BRD9: variants seen among roughly 807,000 people sequenced by gnomAD.
BRD9 encodes bromodomain containing 9, also known as bromodomain-containing protein 9.
Under a neutral mutation model 68.7 loss-of-function variants are expected in BRD9, and 47 were observed. That is an observed-to-expected ratio of 0.68 (90% CI 0.54 to 0.87). The LOEUF is 0.87. Among genes scored for constraint, BRD9 ranks in the 40% least tolerant of loss-of-function variants. The pLI, the probability that BRD9 is intolerant of heterozygous loss-of-function variation, is 0.00. For missense variants in BRD9, 670 were observed against 748.4 expected (o/e 0.90, Z 1.22); for synonymous variants, 313 against 293.9 (o/e 1.06, Z -0.67).
rs1181861029 is a variant in BRD9, at chr5:889,659, AG to A, written c.401-13del. The A allele has an allele frequency of 6.2e-7, 1 of 1,612,496 alleles. No homozygotes were observed. Among genetic ancestry groups the A allele is most frequent in the East Asian group, 2.2e-5 (1 of 44,830 alleles). ...GCTCTCATTTTCGGCTGACAATTTA[AG>A]GAAAAAAAAATTGAATACAAGACTT... is the stretch of plus-strand genomic sequence containing the variant. On this transcript the variant is annotated splice_polypyrimidine_tract_variant and intron_variant, in intron 3 of 15. Coordinates refer to ENST00000467963, the MANE Select transcript of BRD9 (RefSeq NM_023924.5).
In BRD9 at chr5:878,390, G is replaced by A. The variant is rs541919388; in HGVS notation, c.1236C>T (p.Ala412=). 6.2e-7 allele frequency: 1 copy of A among 1,614,228 alleles called. No homozygotes were observed. Among genetic ancestry groups the A allele is most frequent in the South Asian group, 1.1e-5 (1 of 91,090 alleles). Residue 412 remains alanine, a synonymous_variant, in exon 11 of 16, where the codon GCC becomes GCT. Coordinates refer to ENST00000467963, the MANE Select transcript of BRD9 (RefSeq NM_023924.5). ...KSDEMELLYS[A]YGDETGVQCA... ...ACTGCACGCCTGTCTCATCTCCGTAGGCTGAGTAGAGCAGCTCCATCTCGT... is the reference window on the plus strand; with the variant it reads ...ACTGCACGCCTGTCTCATCTCCGTAAGCTGAGTAGAGCAGCTCCATCTCGT...
chr5:892,312 T>C, intron 1 of BRD9: 2 of 577,386 alleles, frequency 3.5e-6, no homozygotes, highest in Non-Finnish European at 5.6e-6. Context: ...AGCTTCTCCC[T>C]GAGCTCCACA....
chr5:886,377 G>C (rs146781848), intron 7 of BRD9, among the ~76,000 whole-genome samples: 1 of 152,328 alleles, frequency 6.6e-6, no homozygotes, highest in African/African-American at 2.4e-5. Context: ...GATCGGACGG[G>C]CTTGGGTACC....
chr5:873,652 G>A (rs2150570655), intron 12 of BRD9, among the ~76,000 whole-genome samples: 1 of 152,266 alleles, frequency 6.6e-6, no homozygotes, highest in South Asian at 2.1e-4. Context: ...GAGCCTCCTG[G>A]CCCACCTTGC....
chr5:872,593 G>A (rs542984087), intron 12 of BRD9, among the ~76,000 whole-genome samples: 2 of 152,304 alleles, frequency 1.3e-5, no homozygotes, highest in Admixed American at 6.5e-5. Flanking sequence ...TCAGAACCAC[G>A]AGCTGGTGGG....
intron 12 of BRD9, among the ~76,000 whole-genome samples, chr5:875,514 A>AT (rs1238042518): frequency 6.6e-6 from 1 of 151,798 alleles, no homozygotes; most frequent in Non-Finnish European, 1.5e-5. Context: ...CGCCCAGCTA[A>AT]TTTTTTCTAT....
chr5:892,590 A>G lies in BRD9; in HGVS notation c.52+16T>C, dbSNP rs966937644. The G allele has an allele frequency of 1.3e-6, 2 of 1,534,752 alleles. No homozygotes were observed. The highest frequency in any genetic ancestry group is 4.0e-5 in the Admixed American group (2 of 50,182). The stretch of plus-strand genomic sequence containing the variant: ...GGACCCCGCCCGCCGCGCGTCACAA[A>G]GCGCCGCCGCCTCACCCTCGTAGGA... On this transcript the variant is annotated intron_variant, in intron 1 of 15. Coordinates refer to ENST00000467963, the MANE Select transcript of BRD9 (RefSeq NM_023924.5).
intron 12 of BRD9, among the ~76,000 whole-genome samples, chr5:872,045 G>GGCCTGGCAGTGCCTGTGGCAGGTGT (rs1164222803): frequency 6.6e-6 from 1 of 152,112 alleles, no homozygotes; most frequent in Non-Finnish European, 1.5e-5. Context: ...GTGGCAGGTG[G>GGCCTGGCAGTGCCTGTGGCAGGTGT]GCCTGCCGTG....
intron 3 of BRD9, 80 bp downstream of exon 3, chr5:891,075 G>A: frequency 4.1e-6 from 6 of 1,447,858 alleles, no homozygotes; most frequent in African/African-American, 1.4e-5. Context: ...TCTCCCCAAA[G>A]CAACAGGACA....
chr5:886,382 G>A (rs1752569517), intron 7 of BRD9, among the ~76,000 whole-genome samples: 1 of 152,180 alleles, frequency 6.6e-6, no homozygotes, highest in Non-Finnish European at 1.5e-5. Context: ...GACGGGCTTG[G>A]GTACCACACC....
chr5:882,954 A>C lies in BRD9; in HGVS notation c.966+984T>G, dbSNP rs867215356. ...CAACATGCAAGCCACGTGAACCACA[A>C]CCTCCCAACACACAAGCCACGCAGA... is the stretch of plus-strand genomic sequence containing the variant. On this transcript the variant is annotated intron_variant, in intron 8 of 15. Transcript: ENST00000467963. 91 of 261,578 alleles carry C rather than the reference A, an allele frequency of 3.5e-4. 1 individual carries two copies. In the Middle Eastern group the frequency reaches 8.4e-3, roughly 24 times the overall value. The allele number at this position is 261,578 out of a possible 1,614,324, so 16.2% of individuals were successfully genotyped here.
intron 1 of BRD9, 166 bp downstream of exon 1, chr5:892,440 C>T: frequency 7.1e-7 from 1 of 1,400,300 alleles, no homozygotes; most frequent in Non-Finnish European, 9.3e-7. Flanking sequence ...CTCACGTGTG[C>T]CCGGTTCCCT....
chr5:874,117 C>T (rs1410407201), intron 12 of BRD9, among the ~76,000 whole-genome samples: 3 of 151,990 alleles, frequency 2.0e-5, no homozygotes, highest in Non-Finnish European at 4.4e-5. Flanking sequence ...GTTTTTTTAT[C>T]TTTTTTTTGA....
At chr5:875,894 G>A (rs368544811) in intron 12 of BRD9, among the ~76,000 whole-genome samples, 2 of 152,214 alleles carry the variant, frequency 1.3e-5, no homozygotes, top group East Asian at 3.8e-4. Context: ...AGAGAGTTAC[G>A]AGTGCGCTGG....
Position 864,448 on chromosome 5 carries a change from GA to G in BRD9, c.*19del, listed in dbSNP as rs1749041093. The G allele has an allele frequency of 6.5e-7, 1 of 1,537,270 alleles. No individual in the cohort carries two copies. The highest frequency in any genetic ancestry group is 8.8e-7 in the Non-Finnish European group (1 of 1,131,330). ...ATAAAACTAAAAAAATAAAATAAAA[GA>G]GCTGAAGGTGGTCTAGAGTTAGGTC... On this transcript the variant is annotated 3_prime_UTR_variant, in exon 16 of 16. Coordinates refer to ENST00000467963, the MANE Select transcript of BRD9 (RefSeq NM_023924.5).
intron 1 of BRD9, 114 bp from the exon 2 acceptor site, chr5:891,968 T>G: frequency 6.9e-7 from 1 of 1,448,220 alleles, no homozygotes; most frequent in Non-Finnish European, 9.1e-7. Context: ...ACAGCGGGGC[T>G]GCCAACCAGC....
intron 14 of BRD9, chr5:869,235 C>T (rs1172790544): frequency 2.2e-6 from 1 of 447,388 alleles, no homozygotes. Context: ...TGAAGCGGGA[C>T]TGGACTTGCC....
At position 864,229 on chromosome 5, in the gene BRD9, C is replaced by A; in HGVS notation, c.*239G>T. 1 of 382,806 alleles carries A rather than the reference C, an allele frequency of 2.6e-6. No homozygotes were observed. The highest frequency in any genetic ancestry group is 4.9e-6 in the Non-Finnish European group (1 of 203,002). 23.7% of individuals were successfully genotyped at this position (382,806 alleles called of 1,614,324 possible). On this transcript the variant is annotated 3_prime_UTR_variant, in exon 16 of 16. Coordinates refer to ENST00000467963, the MANE Select transcript of BRD9 (RefSeq NM_023924.5). ...TCCTCAGGGTTCACGGGGCTGTGTACAGAGACTCTCTCTGCTGACACGATG... is the reference window on the plus strand; with the variant it reads ...TCCTCAGGGTTCACGGGGCTGTGTAAAGAGACTCTCTCTGCTGACACGATG...
At chr5:876,365 T>C (rs1416200951) in intron 11 of BRD9, among the ~76,000 whole-genome samples, 153 bp from the exon 12 acceptor site, 2 of 152,108 alleles carry the variant, frequency 1.3e-5, no homozygotes, top group Non-Finnish European at 2.9e-5. Context: ...GGCTGATAGT[T>C]TTCATTAGAT....
Sources: allele counts gnomAD v4.1 joint callset (sites outside exome capture counted in the v4.1 genomes callset), GRCh38; gene constraint gnomAD v4.1.1; transcripts MANE v1.5; gene names NCBI Gene and HGNC (gene_info 2026-07-23, HGNC 2026-07-21).